The following KCND3 variants were observed in gnomAD, a reference collection of about 807,000 sequenced individuals.
KCND3 encodes the protein potassium voltage-gated channel subfamily D member 3.
A neutral mutation model predicts 51.1 loss-of-function variants in KCND3; 9 were observed. The ratio of observed to expected loss-of-function variants is 0.18; its 90% confidence interval spans 0.11 to 0.31. The LOEUF is 0.31. Ranked by LOEUF, KCND3 falls within the 10% of genes least tolerant of loss-of-function variation. KCND3 has a pLI of 1.00. For synonymous variants in KCND3, 349 were observed against 368.0 expected (o/e 0.95, Z 0.59); for missense variants, 526 against 903.8 (o/e 0.58, Z 5.36).
chr1:111,959,640 C>T (rs1673527017), intron 2 of KCND3, among the ~76,000 whole-genome samples: 1 of 152,048 alleles, frequency 6.6e-6, no homozygotes, highest in South Asian at 2.1e-4. Flanking sequence ...CTGGGGATGG[C>T]AGTAAACCCA....
chr1:111,960,740 C>T (rs1359881074), intron 2 of KCND3, among the ~76,000 whole-genome samples: 1 of 152,232 alleles, frequency 6.6e-6, no homozygotes, highest in Non-Finnish European at 1.5e-5. Context: ...CACTTTCTCT[C>T]CAACCCCTTC....
At chr1:111,932,258 T>C (rs552115446) in intron 2 of KCND3, among the ~76,000 whole-genome samples, 1 of 152,290 alleles carries the variant, frequency 6.6e-6, no homozygotes, top group South Asian at 2.1e-4. Context: ...AAAGGTAACA[T>C]ATCCACGGGA....
intron 2 of KCND3, among the ~76,000 whole-genome samples, chr1:111,895,155 AGGAAGGAGGG>A (rs1315921394): frequency 1.5e-5 from 2 of 130,920 alleles, no homozygotes; most frequent in Non-Finnish European, 3.2e-5. Context: ...GAGAAGGAGA[AGGAAGGAGGG>A]GGAAGGAGGG....
intron 2 of KCND3, among the ~76,000 whole-genome samples, chr1:111,861,739 G>A (rs1232256310): frequency 6.6e-6 from 1 of 152,210 alleles, no homozygotes; most frequent in Non-Finnish European, 1.5e-5. Context: ...TGCAGGGCCA[G>A]GGCAGACACC....
At chr1:111,861,737 C>T (rs1277844356) in intron 2 of KCND3, among the ~76,000 whole-genome samples, 3 of 152,160 alleles carry the variant, frequency 2.0e-5, no homozygotes, top group Admixed American at 6.5e-5. Context: ...CCTGCAGGGC[C>T]AGGGCAGACA....
rs1181868595 is a variant in KCND3, at chr1:111,924,264, G to A, written c.1106+57357C>T. 3.9e-5 allele frequency among the ~76,000 whole-genome samples: 6 copies of A among 152,192 alleles called. No homozygotes were observed. The South Asian group carries it at 6.2e-4, about 16-fold the overall frequency. ...CTGGAAGGGGAAATTATGGACACAC[G>A]AACAAATAATTATGATAATGTGCAC... On this transcript the variant is annotated intron_variant, in intron 2 of 7. Coordinates refer to ENST00000302127, the MANE Select transcript of KCND3 (RefSeq NM_001378969.1).
intron 2 of KCND3, among the ~76,000 whole-genome samples, chr1:111,979,950 C>T (rs1404192279): frequency 1.3e-5 from 2 of 152,148 alleles, no homozygotes; most frequent in Non-Finnish European, 2.9e-5. Flanking sequence ...GTCAGAGCCA[C>T]ATCAGGAGCT....
intron 2 of KCND3, among the ~76,000 whole-genome samples, chr1:111,808,986 C>T (rs1398772488): frequency 6.6e-6 from 1 of 152,216 alleles, no homozygotes; most frequent in Non-Finnish European, 1.5e-5. Flanking sequence ...TGGATCATCT[C>T]AGACCCCTGG....
intron 6 of KCND3, among the ~76,000 whole-genome samples, chr1:111,777,538 C>A (rs1664183611): frequency 6.6e-6 from 1 of 152,176 alleles, no homozygotes. Flanking sequence ...TATACTTCAC[C>A]TACAGCTTTG....
In KCND3 at chr1:111,809,763, C is replaced by T. The variant is rs185980142; in HGVS notation, c.1107-22657G>A. ...GGTTAAAACAATATTAAATGATAGTCGTTACATGTCAGACACTGGGCTGAG... is the reference window on the plus strand; with the variant it reads ...GGTTAAAACAATATTAAATGATAGTTGTTACATGTCAGACACTGGGCTGAG... On this transcript the variant is annotated intron_variant, in intron 2 of 7. Transcript: ENST00000302127. Among the ~76,000 whole-genome samples, 204 of 152,256 alleles carry T rather than the reference C, an allele frequency of 1.3e-3. 1 individual carries two copies. Among genetic ancestry groups the T allele is most frequent in the African/African-American group, 4.6e-3 (193 of 41,530 alleles).
chr1:111,776,974 T>C, intron 7 of KCND3, 52 bp downstream of exon 7: 1 of 1,611,486 alleles, frequency 6.2e-7, no homozygotes, highest in Non-Finnish European at 8.5e-7. Context: ...TGTCTAATTC[T>C]GTGAATGGGA....
intron 2 of KCND3, among the ~76,000 whole-genome samples, chr1:111,802,401 A>G (rs1665352707): frequency 6.6e-6 from 1 of 152,242 alleles, no homozygotes; most frequent in Non-Finnish European, 1.5e-5. Flanking sequence ...GCTGGGTACA[A>G]GACAATGTCA....
chr1:111,918,027 C>T (rs554854036), intron 2 of KCND3, among the ~76,000 whole-genome samples: 6 of 152,246 alleles, frequency 3.9e-5, no homozygotes, highest in African/African-American at 7.2e-5. Context: ...CATATTTGGC[C>T]GAGGTTTACA....
Position 111,952,388 on chromosome 1 carries a change from C to A in KCND3, c.1106+29233G>T, listed in dbSNP as rs143087099. Among the ~76,000 whole-genome samples, 271 of 152,294 alleles carry A rather than the reference C, an allele frequency of 1.8e-3. 1 individual carries two copies. The highest frequency in any genetic ancestry group is 6.3e-3 in the African/African-American group (261 of 41,566). On this transcript the variant is annotated intron_variant, in intron 2 of 7. Coordinates refer to ENST00000302127, the MANE Select transcript of KCND3 (RefSeq NM_001378969.1). ...TGCCTCACACTCTCCCATGTAGGGT[C>A]TAGGAAAATGAAAAGGAAACCCTGA...
intron 2 of KCND3, among the ~76,000 whole-genome samples, chr1:111,806,837 C>T (rs2101562538): frequency 6.6e-6 from 1 of 152,210 alleles, no homozygotes; most frequent in South Asian, 2.1e-4. Flanking sequence ...TGCAGCTTCC[C>T]CACCCAGCTC....
intron 2 of KCND3, among the ~76,000 whole-genome samples, chr1:111,839,758 G>T (rs1667237188): frequency 6.6e-6 from 1 of 152,258 alleles, no homozygotes; most frequent in African/African-American, 2.4e-5. Flanking sequence ...GGAGACAGAG[G>T]CTTGGTGAGG....
intron 2 of KCND3, among the ~76,000 whole-genome samples, chr1:111,791,705 T>G (rs549298881): frequency 6.0e-4 from 92 of 152,364 alleles, no homozygotes; most frequent in Non-Finnish European, 1.1e-3. Context: ...AGAGCTACTA[T>G]GAATTGAGGT....
chr1:111,939,668 T>C (rs1672398173), intron 2 of KCND3, among the ~76,000 whole-genome samples: 1 of 152,228 alleles, frequency 6.6e-6, no homozygotes, highest in African/African-American at 2.4e-5. Context: ...CTATTGTGAA[T>C]AGTGTCACAA....
At chr1:111,922,260 C>T (rs1404196619) in intron 2 of KCND3, among the ~76,000 whole-genome samples, 1 of 152,236 alleles carries the variant, frequency 6.6e-6, no homozygotes, top group Non-Finnish European at 1.5e-5. Context: ...CTGCCTTGGA[C>T]TCAAGGTAAA....
Sources: allele counts gnomAD v4.1 joint callset (sites outside exome capture counted in the v4.1 genomes callset), GRCh38; gene constraint gnomAD v4.1.1; transcripts MANE v1.5; gene names NCBI Gene and HGNC (gene_info 2026-07-23, HGNC 2026-07-21).